Variants in KIF6 observed in about 807,000 individuals in gnomAD.
KIF6 encodes kinesin family member 6, also known as kinesin-like protein KIF6.
Under a neutral mutation model 112.7 loss-of-function variants are expected in KIF6, and 106 were observed. That is an observed-to-expected ratio of 0.94 (90% CI 0.80 to 1.11). The LOEUF (loss-of-function observed/expected upper bound fraction) is 1.11, where lower values mean the gene tolerates loss of function less well. KIF6 is among the 50% of genes least tolerant of loss of function. KIF6 has a pLI of 0.00. For missense variants in KIF6, 929 were observed against 964.0 expected (o/e 0.96, Z 0.48); for synonymous variants, 339 against 339.9 (o/e 1.00, Z 0.03).
At chr6:39,420,888 C>T (rs763571170) in intron 14 of KIF6, among the ~76,000 whole-genome samples, 12 of 152,000 alleles carry the variant, frequency 7.9e-5, no homozygotes, top group Non-Finnish European at 7.4e-5. Flanking sequence ...TACTAGATTG[C>T]TGTGCTAATG....
At chr6:39,490,334 G>A (rs939019187) in intron 13 of KIF6, among the ~76,000 whole-genome samples, 14 of 152,148 alleles carry the variant, frequency 9.2e-5, no homozygotes, top group African/African-American at 2.4e-4. Context: ...GGGAAAATAC[G>A]GACTTTCATT....
At chr6:39,660,057 T>A (rs918185210) in intron 3 of KIF6, among the ~76,000 whole-genome samples, 3 of 152,192 alleles carry the variant, frequency 2.0e-5, no homozygotes, top group African/African-American at 7.2e-5. Context: ...ATGCCTGTAA[T>A]CCCAGCACTT....
chr6:39,353,973 A>G (rs558601637), intron 19 of KIF6: 15 of 474,224 alleles, frequency 3.2e-5, no homozygotes, highest in African/African-American at 2.8e-4. Context: ...GGGCACACTG[A>G]CATTGCATGG....
intron 22 of KIF6, among the ~76,000 whole-genome samples, chr6:39,337,173 T>TTCTTTCTTTCTTTC: frequency 5.1e-5 from 1 of 19,576 alleles, no homozygotes; most frequent in Non-Finnish European, 9.0e-5. Context: ...CTTTCCTTCC[T>TTCTTTCTTTCTTTC]TCTTTCTTTC....
intron 6 of KIF6, among the ~76,000 whole-genome samples, chr6:39,608,180 A>G (rs1307264105): frequency 6.6e-6 from 1 of 152,244 alleles, no homozygotes; most frequent in Non-Finnish European, 1.5e-5. Flanking sequence ...CTGAGAGCTT[A>G]CAAAGCACAT....
At chr6:39,685,100 A>T (rs1787778076) in intron 3 of KIF6, among the ~76,000 whole-genome samples, 1 of 152,224 alleles carries the variant, frequency 6.6e-6, no homozygotes. Context: ...AATGGGAAAT[A>T]GCTAGAAGGG....
chr6:39,605,702 A>T (rs954482544), intron 6 of KIF6, among the ~76,000 whole-genome samples: 1 of 152,174 alleles, frequency 6.6e-6, no homozygotes, highest in Non-Finnish European at 1.5e-5. Context: ...AATGTCACTC[A>T]GAGTACAGAT....
chr6:39,586,472 C>T, intron 7 of KIF6, 68 bp from the exon 8 acceptor site: 2 of 1,270,612 alleles, frequency 1.6e-6, no homozygotes. Flanking sequence ...AACAACAGAG[C>T]TTCAATAGCA....
intron 10 of KIF6, among the ~76,000 whole-genome samples, chr6:39,560,374 T>G (rs1779947746): frequency 2.0e-5 from 3 of 152,250 alleles, no homozygotes; most frequent in Admixed American, 6.5e-5. Flanking sequence ...GGGGCCAGAA[T>G]TTGTGAAGAC....
intron 13 of KIF6, among the ~76,000 whole-genome samples, chr6:39,534,181 C>T (rs552086082): frequency 2.0e-3 from 301 of 152,326 alleles, no homozygotes; most frequent in African/African-American, 7.0e-3. Context: ...GAACGCAGTT[C>T]CTCACCAGCA....
At chr6:39,698,988 G>A (rs1468184805) in intron 3 of KIF6, among the ~76,000 whole-genome samples, 1 of 152,134 alleles carries the variant, frequency 6.6e-6, no homozygotes, top group Non-Finnish European at 1.5e-5. Context: ...GAATAATTTT[G>A]GCTTGCGTAG....
intron 19 of KIF6, among the ~76,000 whole-genome samples, chr6:39,355,534 G>C (rs1297513870): frequency 6.7e-6 from 1 of 148,390 alleles, no homozygotes; most frequent in Non-Finnish European, 1.5e-5. Flanking sequence ...TGCGATCTCG[G>C]CTCACTGCAA....
Position 39,596,244 on chromosome 6 carries a change from G to T in KIF6, c.656C>A (p.Ala219Asp), listed in dbSNP as rs987298066. The stretch of plus-strand genomic sequence containing the variant: ...GAAAATGCAGTGGGAACGGGTTGAA[G>T]CTTGGTTCATAGGAGTCTATAAAAA... ...RMIAETPMNQ[A>D]STRSHCIFTI... The change falls in exon 7 of 23, where the codon GCT becomes GAT. Residue 219 changes from alanine to aspartate, a missense_variant. Around this residue, in one of 2 missense-constraint regions of KIF6, gnomAD observed 688 missense variants for 662.7 expected, o/e 1.04. Coordinates refer to ENST00000287152, the MANE Select transcript of KIF6 (RefSeq NM_145027.6). 10 of 1,613,688 alleles carry T rather than the reference G, an allele frequency of 6.2e-6. No homozygotes were observed. Among genetic ancestry groups the T allele is most frequent in the Non-Finnish European group, 8.5e-6 (10 of 1,179,804 alleles).
At chr6:39,503,769 G>C (rs1050460819) in intron 13 of KIF6, among the ~76,000 whole-genome samples, 1 of 148,322 alleles carries the variant, frequency 6.7e-6, no homozygotes, top group Non-Finnish European at 1.5e-5. Flanking sequence ...TCTTAAGACT[G>C]AACCAGGAAG....
At chr6:39,373,929 T>C (rs1195610508) in intron 16 of KIF6, among the ~76,000 whole-genome samples, 2 of 152,196 alleles carry the variant, frequency 1.3e-5, no homozygotes, top group African/African-American at 4.8e-5. Flanking sequence ...AAAGTAATCT[T>C]GAGCAAAAGG....
At chr6:39,348,949 T>A (rs1005571717) in intron 19 of KIF6, among the ~76,000 whole-genome samples, 5 of 152,160 alleles carry the variant, frequency 3.3e-5, no homozygotes, top group Admixed American at 1.3e-4. Context: ...GCTCACAGAG[T>A]GACCGTGTCG....
intron 19 of KIF6, among the ~76,000 whole-genome samples, chr6:39,351,239 T>C (rs1764223922): frequency 6.6e-6 from 1 of 150,788 alleles, no homozygotes; most frequent in Non-Finnish European, 1.5e-5. Flanking sequence ...CTTTTTTTTT[T>C]CTCTTTTTCA....
Position 39,613,292 on chromosome 6 carries a change from T to C in KIF6, c.536A>G (p.Asp179Gly). ...LPKVTILEDP[D>G]QNIHLKNLTL... The stretch of plus-strand genomic sequence containing the variant: ...CAAGTTTTTCAGGTGAATGTTCTGA[T>C]CAGGATCCTCCAGTATTGTCACTTT... Residue 179 changes from aspartate (D) to glycine (G), a missense_variant, in exon 6 of 23, where the codon GAT becomes GGT. Around this residue, in one of 2 missense-constraint regions of KIF6, gnomAD observed 688 missense variants for 662.7 expected, o/e 1.04. Coordinates refer to ENST00000287152, the MANE Select transcript of KIF6 (RefSeq NM_145027.6). The C allele has an allele frequency of 6.2e-7, 1 of 1,603,372 alleles. No homozygotes were observed. The highest frequency in any genetic ancestry group is 1.1e-5 in the South Asian group (1 of 89,214).
Position 39,351,585 on chromosome 6 carries a change from G to A in KIF6, c.2181-5059C>T, listed in dbSNP as rs1344159091. Among the ~76,000 whole-genome samples the A allele has an allele frequency of 4.6e-5, 7 of 151,482 alleles. No individual in the cohort carries two copies. The South Asian group carries it at 8.4e-4, about 18-fold the overall frequency. Reference sequence around the variant, plus strand: ...AGTGTATTTCTACCTTGCATCTGTCGGGCCCCTTGCTGACACACCTGCCCC... The same window carrying A: ...AGTGTATTTCTACCTTGCATCTGTCAGGCCCCTTGCTGACACACCTGCCCC... On this transcript the variant is annotated intron_variant, in intron 19 of 22. Coordinates refer to ENST00000287152, the MANE Select transcript of KIF6 (RefSeq NM_145027.6).
Sources: allele counts gnomAD v4.1 joint callset (sites outside exome capture counted in the v4.1 genomes callset), GRCh38; gene constraint gnomAD v4.1.1; regional missense constraint gnomAD v4.1.1; transcripts MANE v1.5; gene names NCBI Gene and HGNC (gene_info 2026-07-23, HGNC 2026-07-21).